LAMA2: variants seen among roughly 807,000 people sequenced by gnomAD.
The protein encoded by LAMA2 is laminin subunit alpha-2.
LAMA2 carries 269 observed loss-of-function variants against 364.8 expected under a neutral mutation model. That is an observed-to-expected ratio of 0.74 (90% CI 0.67 to 0.82). The LOEUF is 0.82. LAMA2 is among the 40% of genes least tolerant of loss of function. The pLI is 0.00. For missense variants in LAMA2, 3,807 were observed against 3,873.2 expected (o/e 0.98, Z 0.45); for synonymous variants, 1,379 against 1,370.6 (o/e 1.01, Z -0.14).
chr6:129,321,000 A>G (rs1465402877), intron 28 of LAMA2, among the ~76,000 whole-genome samples: 1 of 152,212 alleles, frequency 6.6e-6, no homozygotes, highest in Non-Finnish European at 1.5e-5. Context: ...ATAGGATTAT[A>G]CTGGGTTTTG....
intron 1 of LAMA2, among the ~76,000 whole-genome samples, chr6:128,921,852 T>C (rs7754537): frequency 0.17 from 20,153 of 115,718 alleles, 2,458 homozygotes; most frequent in African/African-American, 0.37. Context: ...TGCTATCCCT[T>C]CCCCCTCCCC....
intron 1 of LAMA2, among the ~76,000 whole-genome samples, chr6:128,985,236 G>A (rs1055504148): frequency 6.6e-6 from 1 of 152,098 alleles, no homozygotes; most frequent in African/African-American, 2.4e-5. Flanking sequence ...CTTTTGAAGG[G>A]TGCTGTTGTA....
intron 4 of LAMA2, among the ~76,000 whole-genome samples, chr6:129,119,186 T>A (rs945803025): frequency 6.6e-6 from 1 of 152,188 alleles, no homozygotes; most frequent in East Asian, 1.9e-4. Flanking sequence ...ATAGTTCTTG[T>A]TTTAACACAA....
In LAMA2 at chr6:129,516,431, T is replaced by C; in HGVS notation, c.*84T>C. 1.5e-6 allele frequency: 2 copies of C among 1,316,330 alleles called. No individual in the cohort carries two copies. The highest frequency in any genetic ancestry group is 2.1e-6 in the Non-Finnish European group (2 of 932,718). 81.5% of individuals were successfully genotyped at this position (1,316,330 alleles called of 1,614,324 possible). ...ACAAATATATTTTACCTATATATGT[T>C]AATTAAACTAATTTGTGCATGTACA... On this transcript the variant is annotated 3_prime_UTR_variant, in exon 65 of 65. Transcript: ENST00000421865.
chr6:129,112,246 A>G (rs978639221), intron 4 of LAMA2, among the ~76,000 whole-genome samples: 2 of 151,988 alleles, frequency 1.3e-5, no homozygotes, highest in Non-Finnish European at 2.9e-5. Context: ...TATCAGAATG[A>G]TTTAATTTTG....
Position 129,445,656 on chromosome 6 carries a change from G to A in LAMA2, c.6275-11G>A. The A allele has an allele frequency of 6.2e-7, 1 of 1,613,244 alleles. No individual in the cohort carries two copies. The highest frequency in any genetic ancestry group is 8.5e-7 in the Non-Finnish European group (1 of 1,179,318). On this transcript the variant is annotated splice_polypyrimidine_tract_variant and intron_variant, in intron 44 of 64. Coordinates refer to ENST00000421865, the MANE Select transcript of LAMA2 (RefSeq NM_000426.4). The stretch of plus-strand genomic sequence containing the variant: ...ATGCATATACATGCACACTAATTTT[G>A]TTCTATGCAGTTGCCGATGCAGATG...
At chr6:129,410,237 T>C (rs1780460480) in intron 40 of LAMA2, among the ~76,000 whole-genome samples, 2 of 152,106 alleles carry the variant, frequency 1.3e-5, no homozygotes, top group South Asian at 4.2e-4. Flanking sequence ...TTCCTCCCTT[T>C]CTCCCTTTCT....
chr6:128,902,004 T>A (rs942869812), intron 1 of LAMA2, among the ~76,000 whole-genome samples: 4 of 152,202 alleles, frequency 2.6e-5, no homozygotes. Flanking sequence ...TCAGGAAACT[T>A]ACAATCATGA....
At chr6:129,258,805 G>A (rs1343170917) in intron 14 of LAMA2, among the ~76,000 whole-genome samples, 1 of 151,908 alleles carries the variant, frequency 6.6e-6, no homozygotes, top group Admixed American at 6.6e-5. Context: ...TCATTGACAG[G>A]GTTCCTCAGT....
intron 12 of LAMA2, among the ~76,000 whole-genome samples, chr6:129,245,908 G>C (rs1297611552): frequency 6.6e-6 from 1 of 152,106 alleles, no homozygotes; most frequent in Non-Finnish European, 1.5e-5. Flanking sequence ...GGCTAGATCA[G>C]ACATACCCAG....
intron 4 of LAMA2, among the ~76,000 whole-genome samples, chr6:129,101,440 G>A (rs143760928): frequency 9.9e-4 from 150 of 152,204 alleles, no homozygotes; most frequent in Non-Finnish European, 8.1e-4. Flanking sequence ...GATTTCCATT[G>A]CTTATGTAGA....
chr6:129,165,368 T>G (rs1562290946), intron 8 of LAMA2, among the ~76,000 whole-genome samples: 1 of 152,132 alleles, frequency 6.6e-6, no homozygotes, highest in African/African-American at 2.4e-5. Context: ...TAGGAATTTA[T>G]TATTCTATTA....
intron 12 of LAMA2, among the ~76,000 whole-genome samples, chr6:129,227,451 T>C (rs1784376563): frequency 6.6e-6 from 1 of 152,156 alleles, no homozygotes; most frequent in African/African-American, 2.4e-5. Flanking sequence ...TTTTTCCCCA[T>C]CTTTGTGGTT....
intron 10 of LAMA2, among the ~76,000 whole-genome samples, chr6:129,181,430 T>TAGA (rs1172723983): frequency 2.0e-5 from 3 of 152,002 alleles, no homozygotes; most frequent in Admixed American, 6.6e-5. Context: ...AAAGCATGAT[T>TAGA]AGAAGATTGA....
intron 20 of LAMA2, among the ~76,000 whole-genome samples, chr6:129,292,602 A>C (rs964208623): frequency 6.6e-6 from 1 of 152,200 alleles, no homozygotes; most frequent in East Asian, 1.9e-4. Flanking sequence ...AGATTCCTCC[A>C]TGAGGGTGGA....
chr6:129,374,574 C>G (rs943991606), intron 34 of LAMA2, among the ~76,000 whole-genome samples: 4 of 151,472 alleles, frequency 2.6e-5, no homozygotes, highest in Non-Finnish European at 5.9e-5. Context: ...ATTGGTACTG[C>G]CAATCTTTTT....
At chr6:129,296,407 T>C (rs889184663) in intron 20 of LAMA2, among the ~76,000 whole-genome samples, 1 of 151,974 alleles carries the variant, frequency 6.6e-6, no homozygotes, top group Non-Finnish European at 1.5e-5. Context: ...TCTTTAATCA[T>C]ATACCACAAT....
At chr6:129,449,881 C>T (rs1562574566) in intron 45 of LAMA2, among the ~76,000 whole-genome samples, 1 of 150,172 alleles carries the variant, frequency 6.7e-6, no homozygotes, top group Non-Finnish European at 1.5e-5. Flanking sequence ...CAGCTCACTG[C>T]AGCCTCCGCC....
intron 8 of LAMA2, among the ~76,000 whole-genome samples, chr6:129,160,064 T>A (rs1583160058): frequency 6.6e-6 from 1 of 152,276 alleles, no homozygotes; most frequent in African/African-American, 2.4e-5. Flanking sequence ...ATAATTTTAT[T>A]TTCTTATAAT....
Sources: gnomAD v4.1 joint callset for allele counts (sites outside exome capture counted in the v4.1 genomes callset) on GRCh38, gnomAD v4.1.1 for gene constraint, MANE v1.5 for transcripts, NCBI Gene and HGNC (gene_info 2026-07-23, HGNC 2026-07-21) for gene names.